CACNA1S: variants seen among roughly 807,000 people sequenced by gnomAD.
The protein encoded by CACNA1S is calcium voltage-gated channel subunit alpha1 S.
Under a neutral mutation model 207.4 loss-of-function variants are expected in CACNA1S, and 126 were observed. That is an observed-to-expected ratio of 0.61 (90% CI 0.53 to 0.70). CACNA1S has a LOEUF of 0.70. Among genes scored for constraint, CACNA1S ranks in the 30% least tolerant of loss-of-function variants. The pLI is 0.00. For synonymous variants in CACNA1S, 960 were observed against 932.7 expected, an observed-to-expected ratio of 1.03 and a Z score of -0.53; for missense variants, 2,349 against 2,422.8, an observed-to-expected ratio of 0.97 and a Z score of 0.64.
chr1:201,101,056 A>ATG (rs1057473155), intron 2 of CACNA1S, among the ~76,000 whole-genome samples: 9 of 152,130 alleles, frequency 5.9e-5, no homozygotes, highest in Non-Finnish European at 8.8e-5. Flanking sequence ...CTTTATTTTA[A>ATG]TGTCCTTTTA....
intron 2 of CACNA1S, among the ~76,000 whole-genome samples, chr1:201,109,876 T>C (rs1663032227): frequency 6.6e-6 from 1 of 152,206 alleles, no homozygotes; most frequent in South Asian, 2.1e-4. Flanking sequence ...TATGAGTTGG[T>C]TGTGAGGATT....
At position 201,092,092 on chromosome 1, in the gene CACNA1S, G is replaced by C. The variant is rs1272358615; in HGVS notation, c.421C>G (p.Gln141Glu). ...GTGTGGCTTTGGATGACGTTAACCT[G>C]TTCCAGAATCACGGTGAAGACCCTA... ...FLGVFTVILE[Q>E]VNVIQSHTAP... The change falls in exon 4 of 44, where the codon CAG (glutamine) becomes GAG (glutamate). Residue 141 changes from glutamine (Q) to glutamate (E), a missense_variant. By Grantham distance (29) the Gln-to-Glu change is conservative. Transcript: ENST00000362061. The C allele has an allele frequency of 6.2e-7, 1 of 1,614,096 alleles. No homozygotes were observed. The highest frequency in any genetic ancestry group is 8.5e-7 in the Non-Finnish European group (1 of 1,180,006).
Position 201,053,709 on chromosome 1 carries a change from G to T in CACNA1S, c.3667-122C>A. 9.8e-7 allele frequency: 1 copy of T among 1,015,702 alleles called. No individual in the cohort carries two copies. Among genetic ancestry groups the T allele is most frequent in the Non-Finnish European group, 1.5e-6 (1 of 689,026 alleles). 62.9% of individuals were successfully genotyped at this position (1,015,702 alleles called of 1,614,324 possible). ...ATGTTTGTGGCATGGAGGAACTCCA[G>T]CCCCGCCTCTGGCCCCTGCTGTCCA... On this transcript the variant is annotated intron_variant, in intron 29 of 43. Coordinates refer to ENST00000362061, the MANE Select transcript of CACNA1S (RefSeq NM_000069.3). This position sits in a 1 kb window ranked among gnomAD's most constrained non-coding sequence, Gnocchi z 5.1.
At chr1:201,045,419 A>G (rs938791253) in intron 38 of CACNA1S, among the ~76,000 whole-genome samples, 5 of 152,188 alleles carry the variant, frequency 3.3e-5, no homozygotes, top group African/African-American at 1.2e-4. Flanking sequence ...TGAAATTTGA[A>G]TGGGGTCTGA....
Position 201,050,673 on chromosome 1 carries a change from C to T in CACNA1S, c.4114-157G>A, listed in dbSNP as rs550254505. Among the ~76,000 whole-genome samples the T allele has an allele frequency of 3.3e-5, 5 of 152,232 alleles. No homozygotes were observed. In the South Asian group the frequency reaches 1.0e-3, roughly 32 times the overall value. ...CACCCACATCACACACACAGCAATG[C>T]TCTGTCATGTCTCTGTGCTCTTGCA... On this transcript the variant is annotated intron_variant, in intron 33 of 43. Coordinates refer to ENST00000362061, the MANE Select transcript of CACNA1S (RefSeq NM_000069.3).
chr1:201,091,569 A>G, intron 5 of CACNA1S, 71 bp downstream of exon 5: 1 of 1,556,226 alleles, frequency 6.4e-7, no homozygotes, highest in Non-Finnish European at 8.9e-7. Context: ...CTCCTTCACC[A>G]GGTAGGGTGG....
chr1:201,084,922 G>A lies in CACNA1S; in HGVS notation c.1232+28C>T, dbSNP rs566175738. ...TGTCTCAGGGAGCTGGGGGTTGGGGGTTCCTGGGGCAGTGGGCAGATACTC... is the reference window on the plus strand; with the variant it reads ...TGTCTCAGGGAGCTGGGGGTTGGGGATTCCTGGGGCAGTGGGCAGATACTC... On this transcript the variant is annotated intron_variant, in intron 9 of 43. Coordinates refer to ENST00000362061, the MANE Select transcript of CACNA1S (RefSeq NM_000069.3). The A allele has an allele frequency of 1.3e-5, 20 of 1,529,430 alleles. 1 individual carries two copies. Among genetic ancestry groups the A allele is most frequent in the South Asian group, 1.0e-4 (9 of 89,372 alleles). The allele number at this position is 1,529,430 out of a possible 1,614,324, so 94.7% of individuals were successfully genotyped here.
At position 201,062,483 on chromosome 1, in the gene CACNA1S, T is replaced by C. The variant is rs1242698995; in HGVS notation, c.2885A>G (p.Lys962Arg). The stretch of plus-strand genomic sequence containing the variant: ...GTACCTGCACTCCTCCTCTGTCATC[T>C]TGGACAAGTCGGTGCACCTGAAGAA... ...GKFFRCTDLS[K>R]MTEEECRGYY... The change falls in exon 23 of 44, where the codon AAG becomes AGG. Residue 962 changes from lysine (K) to arginine (R), a missense_variant. By Grantham distance (26) the Lys-to-Arg change is conservative (BLOSUM62 2). Coordinates refer to ENST00000362061, the MANE Select transcript of CACNA1S (RefSeq NM_000069.3). 3.1e-6 allele frequency: 5 copies of C among 1,613,874 alleles called. No homozygotes were observed. Among genetic ancestry groups the C allele is most frequent in the African/African-American group, 1.3e-5 (1 of 74,884 alleles).
intron 2 of CACNA1S, among the ~76,000 whole-genome samples, chr1:201,108,974 G>A (rs986388185): frequency 6.6e-6 from 1 of 152,212 alleles, no homozygotes; most frequent in Non-Finnish European, 1.5e-5. Flanking sequence ...CTGGCTAGGT[G>A]TGGTGGCTCA....
chr1:201,094,085 C>CCAGCACGG, intron 2 of CACNA1S, 64 bp from the exon 3 acceptor site: 1 of 1,605,444 alleles, frequency 6.2e-7, no homozygotes, highest in Non-Finnish European at 8.5e-7. Context: ...TGCTCTCTTC[C>CCAGCACGG]CTGCAGCCGT....
rs1330720037 is a variant in CACNA1S, at chr1:201,053,949, C to T, written c.3667-362G>A. ...CCTCAAGCTGCCACTGAGTCGAGGA[C>T]CCTGGTGGCCCTCCTAGGGCTCCTC... On this transcript the variant is annotated intron_variant, in intron 29 of 43. Transcript: ENST00000362061. This position sits in a 1 kb window ranked among gnomAD's most constrained non-coding sequence, Gnocchi z 5.1. Among the ~76,000 whole-genome samples the T allele has an allele frequency of 6.6e-6, 1 of 152,084 alleles. No homozygotes were observed. Among genetic ancestry groups the T allele is most frequent in the African/African-American group, 2.4e-5 (1 of 41,410 alleles).
chr1:201,043,586 G>C (rs1026455165), intron 39 of CACNA1S, 55 bp from the exon 40 acceptor site: 57 of 1,530,576 alleles, frequency 3.7e-5, no homozygotes, highest in Non-Finnish European at 5.1e-5. Context: ...GGGCATGGGG[G>C]GCTGTCACTC....
chr1:201,112,413 C>T lies in CACNA1S; in HGVS notation c.-74G>A. On this transcript the variant is annotated 5_prime_UTR_variant, in exon 1 of 44. Transcript: ENST00000362061. ...TCCCTTCCCTGTGTCCCCAATGCCC[C>T]CGCCTTGGGGACTAGGCTGGCTGAG... The T allele has an allele frequency of 6.2e-7, 1 of 1,608,776 alleles. No homozygotes were observed. The highest frequency in any genetic ancestry group is 8.5e-7 in the Non-Finnish European group (1 of 1,179,442).
intron 41 of CACNA1S, 137 bp from the exon 42 acceptor site, chr1:201,040,850 G>A (rs1660151019): frequency 2.9e-6 from 2 of 698,240 alleles, no homozygotes; most frequent in South Asian, 1.5e-5. Flanking sequence ...AGGTGTCTTA[G>A]AGGGTGGACA....
Position 201,107,947 on chromosome 1 carries a change from A to G in CACNA1S, c.258+2217T>C, listed in dbSNP as rs924199574. ...ATTTCTGATTAGGTTTCCGACTTGC[A>G]GGGAACTCATAATACTGTCTCTATG... On this transcript the variant is annotated intron_variant, in intron 2 of 43. Transcript: ENST00000362061. Among the ~76,000 whole-genome samples, 11 of 152,282 alleles carry G rather than the reference A, an allele frequency of 7.2e-5. No individual in the cohort carries two copies. In the South Asian group the frequency reaches 1.9e-3, roughly 26 times the overall value.
Position 201,065,945 on chromosome 1 carries a change from G to T in CACNA1S, c.2746C>A (p.His916Asn), listed in dbSNP as rs1327678424. Residue 916 changes from histidine (H) to asparagine (N), a missense_variant and splice_region_variant, in exon 22 of 44, where the codon CAC becomes AAC. Physicochemically the swap from His to Asn is moderately conservative, Grantham distance 68. Transcript: ENST00000362061. ...GCCACGAACATGCACTGCACCACGTGCTGGGGACAGAGGGGCCAATGGGGA... is the reference window on the plus strand; with the variant it reads ...GCCACGAACATGCACTGCACCACGTTCTGGGGACAGAGGGGCCAATGGGGA... ...RAINRAKGLK[H>N]VVQCMFVAIS... 1.2e-6 allele frequency: 2 copies of T among 1,607,320 alleles called. No individual in the cohort carries two copies. The highest frequency in any genetic ancestry group is 8.5e-7 in the Non-Finnish European group (1 of 1,174,680).
intron 38 of CACNA1S, 27 bp downstream of exon 38, chr1:201,047,088 C>T (rs766825912): frequency 5.0e-6 from 8 of 1,614,176 alleles, no homozygotes; most frequent in Non-Finnish European, 6.8e-6. Flanking sequence ...GGGGGAGCCC[C>T]TTGGAACATA....
At chr1:201,048,832 AATG>A in intron 35 of CACNA1S, 148 bp from the exon 36 acceptor site, 1 of 840,338 alleles carries the variant, frequency 1.2e-6, no homozygotes, top group South Asian at 1.4e-5. Context: ...GAGGGGACAG[AATG>A]ATGAGTTGGG....
In CACNA1S at chr1:201,043,409, T is replaced by G; in HGVS notation, c.4920A>C (p.Ser1640=). Residue 1640 remains serine (S), a synonymous_variant, in exon 40 of 44, where the codon TCA becomes TCC. Coordinates refer to ENST00000362061, the MANE Select transcript of CACNA1S (RefSeq NM_000069.3). ...FAEIEMEEME[S]PVFLEDFPQD... ...GTGGGAAGTCCTCCAAGAAGACAGG[T>G]GACTCCATCTCTTCCATCTCTATCT... The G allele has an allele frequency of 6.2e-7, 1 of 1,614,030 alleles. No homozygotes were observed. Among genetic ancestry groups the G allele is most frequent in the Non-Finnish European group, 8.5e-7 (1 of 1,180,010 alleles).
Sources: gnomAD v4.1 joint callset for allele counts (sites outside exome capture counted in the v4.1 genomes callset) on GRCh38, gnomAD v4.1.1 for gene constraint, Gnocchi (gnomAD v3.1) non-coding constraint, MANE v1.5 for transcripts, NCBI Gene and HGNC (gene_info 2026-07-23, HGNC 2026-07-21) for gene names.